The following SGIP1 variants were observed in gnomAD, a reference collection of about 807,000 sequenced individuals.
SGIP1 encodes SH3GL interacting endocytic adaptor 1.
In SGIP1, 38 loss-of-function variants were observed where a neutral mutation model predicts 107.5. That is an observed-to-expected ratio of 0.35 (90% CI 0.27 to 0.46). The LOEUF (loss-of-function observed/expected upper bound fraction) is 0.46. SGIP1 is among the 20% of genes least tolerant of loss of function. SGIP1 has a pLI of 1.00. For synonymous variants in SGIP1, 365 were observed against 366.1 expected, an observed-to-expected ratio of 1.00 and a Z score of 0.03; for missense variants, 929 against 1,019.5, an observed-to-expected ratio of 0.91 and a Z score of 1.21.
intron 14 of SGIP1, among the ~76,000 whole-genome samples, chr1:66,681,366 T>C (rs2086654342): frequency 6.6e-6 from 1 of 152,224 alleles, no homozygotes; most frequent in African/African-American, 2.4e-5. Context: ...TTCACCAAAG[T>C]CTTGATTTAA....
At chr1:66,537,149 C>T (rs1189711373) in intron 1 of SGIP1, among the ~76,000 whole-genome samples, 1 of 152,134 alleles carries the variant, frequency 6.6e-6, no homozygotes, top group Non-Finnish European at 1.5e-5. Flanking sequence ...TGGTTTGTGG[C>T]TCCATGGTTC....
intron 1 of SGIP1, among the ~76,000 whole-genome samples, chr1:66,541,404 C>T (rs2054906699): frequency 6.6e-6 from 1 of 152,340 alleles, no homozygotes; most frequent in South Asian, 2.1e-4. Flanking sequence ...TGTGACAGTG[C>T]CCCTTGGGCT....
intron 9 of SGIP1, among the ~76,000 whole-genome samples, chr1:66,670,284 T>C (rs1219158617): frequency 2.6e-5 from 4 of 152,246 alleles, no homozygotes; most frequent in African/African-American, 9.6e-5. Context: ...GCTAAGGCAT[T>C]ATAAAAACTG....
chr1:66,542,565 C>T (rs1349170261), intron 1 of SGIP1, among the ~76,000 whole-genome samples: 2 of 152,084 alleles, frequency 1.3e-5, no homozygotes, highest in Admixed American at 6.5e-5. Context: ...GTGTAGACAG[C>T]GTGGATACAC....
At chr1:66,570,437 T>C (rs775528601) in intron 1 of SGIP1, among the ~76,000 whole-genome samples, 16 of 152,052 alleles carry the variant, frequency 1.1e-4, no homozygotes, top group Non-Finnish European at 1.9e-4. Flanking sequence ...TACTTTACAA[T>C]GTTAAGCATT....
intron 13 of SGIP1, among the ~76,000 whole-genome samples, chr1:66,678,324 G>T (rs750496992): frequency 1.3e-5 from 2 of 152,300 alleles, no homozygotes; most frequent in South Asian, 4.1e-4. Flanking sequence ...TTAACTATTG[G>T]TATTTCAGAG....
intron 1 of SGIP1, among the ~76,000 whole-genome samples, chr1:66,611,756 A>G (rs2068053700): frequency 6.6e-6 from 1 of 152,158 alleles, no homozygotes; most frequent in African/African-American, 2.4e-5. Context: ...GAAAGAATCA[A>G]AGATACTTCT....
rs951971968 is a variant in SGIP1 at position 66,578,310 on chromosome 1, G to A, written c.10+43942G>A. 2.0e-5 allele frequency among the ~76,000 whole-genome samples: 3 copies of A among 152,120 alleles called. No homozygotes were observed. In the East Asian group the frequency reaches 5.8e-4, roughly 29 times the overall value. ...AAAAAGCTTCCAAAGTGGGGCTAAT[G>A]AGCAATGGATGTAGGAACTGGGGTG... On this transcript the variant is annotated intron_variant, in intron 1 of 24. Coordinates refer to ENST00000371037, the MANE Select transcript of SGIP1 (RefSeq NM_032291.4).
At position 66,644,467 on chromosome 1, in the gene SGIP1, T is replaced by C. The variant is rs2077312547; in HGVS notation, c.459+748T>C. ...CATGTACAGCCTTTTCTCTGTTTGA[T>C]AAATGCCACCATTGTTTTCTAAAAA... On this transcript the variant is annotated intron_variant, in intron 7 of 24. Coordinates refer to ENST00000371037, the MANE Select transcript of SGIP1 (RefSeq NM_032291.4). Among the ~76,000 whole-genome samples the C allele has an allele frequency of 2.0e-5, 3 of 152,202 alleles. No homozygotes were observed. In the South Asian group the frequency reaches 6.2e-4, roughly 32 times the overall value.
chr1:66,630,679 G>A (rs1190822533), intron 2 of SGIP1, among the ~76,000 whole-genome samples: 1 of 150,466 alleles, frequency 6.6e-6, no homozygotes, highest in East Asian at 2.0e-4. Flanking sequence ...GGTGATGCAT[G>A]CCTATAATCT....
rs951548030 is a variant in SGIP1, at chr1:66,749,439, A to AG, written c.*6347dup. Among the ~76,000 whole-genome samples, 1 of 133,414 alleles carries AG rather than the reference A, an allele frequency of 7.5e-6. No homozygotes were observed. Among genetic ancestry groups the AG allele is most frequent in the African/African-American group, 2.9e-5 (1 of 34,338 alleles). 87.5% of individuals were successfully genotyped at this position (133,414 alleles called of 152,430 possible). A position where few individuals can be genotyped will look rare whatever the true frequency, so the allele number is the denominator to read the frequency against. On this transcript the variant is annotated 3_prime_UTR_variant, in exon 25 of 25. Transcript: ENST00000371037. Reference sequence around the variant, plus strand: ...TATACTCTTTTAATGAGCATTTCATAGGGTTTTTTTTTTGCTGTTTTTTTT... The same window carrying AG: ...TATACTCTTTTAATGAGCATTTCATAGGGGTTTTTTTTTTGCTGTTTTTTTT...
intron 1 of SGIP1, among the ~76,000 whole-genome samples, chr1:66,618,840 G>A (rs1017559506): frequency 2.0e-5 from 3 of 152,124 alleles, no homozygotes; most frequent in Admixed American, 6.5e-5. Flanking sequence ...AAAGTAGCAC[G>A]GTACCTCTTA....
At chr1:66,676,173 C>T (rs1178477480) in intron 12 of SGIP1, among the ~76,000 whole-genome samples, 2 of 152,166 alleles carry the variant, frequency 1.3e-5, no homozygotes, top group Admixed American at 1.3e-4. Context: ...AGGAAGGCAG[C>T]GCAGAGAGGT....
At chr1:66,703,388 A>G (rs1477157798) in intron 18 of SGIP1, among the ~76,000 whole-genome samples, 1 of 152,096 alleles carries the variant, frequency 6.6e-6, no homozygotes, top group African/African-American at 2.4e-5. Flanking sequence ...ACATGTTGCT[A>G]TGTTAGAGTC....
chr1:66,623,163 A>G (rs1381786539), intron 1 of SGIP1, among the ~76,000 whole-genome samples: 2 of 152,174 alleles, frequency 1.3e-5, no homozygotes, highest in African/African-American at 2.4e-5. Context: ...ACTTACTTTC[A>G]TAACTTCATT....
intron 1 of SGIP1, among the ~76,000 whole-genome samples, chr1:66,592,111 A>G (rs1318277781): frequency 6.6e-6 from 1 of 152,082 alleles, no homozygotes; most frequent in Non-Finnish European, 1.5e-5. Flanking sequence ...CTCTTTCACT[A>G]ATCCTCCTCA....
At chr1:66,598,661 G>A (rs1350868440) in intron 1 of SGIP1, among the ~76,000 whole-genome samples, 3 of 152,138 alleles carry the variant, frequency 2.0e-5, no homozygotes, top group Non-Finnish European at 4.4e-5. Context: ...AGCCAAGCAG[G>A]AGGAAGAAAG....
chr1:66,543,592 A>G (rs527674644), intron 1 of SGIP1, among the ~76,000 whole-genome samples: 35 of 152,332 alleles, frequency 2.3e-4, no homozygotes, highest in Admixed American at 2.2e-3. Flanking sequence ...GCCAAGAGAC[A>G]CAAATGAATG....
chr1:66,686,771 A>G (rs1218981293), intron 15 of SGIP1, among the ~76,000 whole-genome samples: 1 of 152,266 alleles, frequency 6.6e-6, no homozygotes, highest in African/African-American at 2.4e-5. Flanking sequence ...AGTGATTTCA[A>G]TGGGGCATCC....
Sources: allele counts gnomAD v4.1 joint callset (sites outside exome capture counted in the v4.1 genomes callset), GRCh38; gene constraint gnomAD v4.1.1; transcripts MANE v1.5; gene names NCBI Gene and HGNC (gene_info 2026-07-23, HGNC 2026-07-21).